Variants in SBNO1 observed in about 807,000 individuals in gnomAD.
SBNO1 encodes the protein protein strawberry notch homolog 1.
Under a neutral mutation model 173.6 loss-of-function variants are expected in SBNO1, and 23 were observed. That is an observed-to-expected ratio of 0.13 (90% CI 0.10 to 0.19). The LOEUF is 0.19. Ranked by LOEUF, SBNO1 falls within the 10% of genes least tolerant of loss-of-function variation. SBNO1 has a pLI of 1.00. For synonymous variants in SBNO1, 632 were observed against 571.5 expected (o/e 1.11, Z -1.51); for missense variants, 1,238 against 1,671.2 (o/e 0.74, Z 4.52).
chr12:123,345,635 C>T, intron 3 of SBNO1, 65 bp from the exon 4 acceptor site: 4 of 1,354,462 alleles, frequency 3.0e-6, no homozygotes, highest in Non-Finnish European at 4.1e-6. Flanking sequence ...CTTATATCCA[C>T]AAACCTGGAA....
intron 1 of SBNO1, chr12:123,364,480 G>T: frequency 1.0e-6 from 1 of 983,924 alleles, no homozygotes; most frequent in Non-Finnish European, 1.2e-6. Context: ...CGGCGCTGAC[G>T]AACAGAGGAA....
intron 3 of SBNO1, 38 bp downstream of exon 3, chr12:123,347,991 C>G: frequency 7.7e-7 from 1 of 1,291,276 alleles, no homozygotes; most frequent in Non-Finnish European, 1.1e-6. Context: ...CACTTCTAAA[C>G]TATTTTAGAA....
intron 1 of SBNO1, chr12:123,364,204 G>A: frequency 1.0e-6 from 1 of 985,668 alleles, no homozygotes; most frequent in Non-Finnish European, 1.2e-6. Flanking sequence ...GATTTAGGAA[G>A]GACGACCGCG....
chr12:123,299,061 G>A (rs559642010), intron 30 of SBNO1, among the ~76,000 whole-genome samples: 3 of 152,104 alleles, frequency 2.0e-5, no homozygotes, highest in Admixed American at 6.5e-5. Context: ...CATTTCTACT[G>A]AAAATACAAA....
chr12:123,341,141 C>T (rs1872517217), intron 4 of SBNO1, 53 bp from the exon 5 acceptor site: 5 of 1,102,496 alleles, frequency 4.5e-6, no homozygotes, highest in South Asian at 4.4e-5. Flanking sequence ...AACTTATTTT[C>T]CCATTATTTA....
Position 123,315,667 on chromosome 12 carries a change from C to T in SBNO1, c.2936-7G>A, listed in dbSNP as rs770067780. 36 of 1,545,492 alleles carry T rather than the reference C, an allele frequency of 2.3e-5. No homozygotes were observed. The highest frequency in any genetic ancestry group is 8.9e-5 in the South Asian group (8 of 89,502). ...TTTGATCTATGAGTACGTCCTGCAA[C>T]GAAATTTTGTTTTAAAGATCATTGA... On this transcript the variant is annotated splice_polypyrimidine_tract_variant and splice_region_variant and intron_variant, in intron 21 of 31. Coordinates refer to ENST00000602398, the MANE Select transcript of SBNO1 (RefSeq NM_001167856.3).
chr12:123,303,735 C>G (rs2048848738), intron 29 of SBNO1, among the ~76,000 whole-genome samples: 1 of 151,822 alleles, frequency 6.6e-6, no homozygotes, highest in Admixed American at 6.6e-5. Context: ...TGGCTGACAC[C>G]TGTTAATTCT....
chr12:123,298,055 A>G lies in SBNO1; in HGVS notation c.3962T>C (p.Val1321Ala). 6.2e-7 allele frequency: 1 copy of G among 1,614,034 alleles called. No homozygotes were observed. Among genetic ancestry groups the G allele is most frequent in the Non-Finnish European group, 8.5e-7 (1 of 1,180,008 alleles). Residue 1321 changes from valine to alanine, a missense_variant, in exon 31 of 32, where the codon GTT (valine) becomes GCT (alanine). Around this residue, in one of 14 missense-constraint regions of SBNO1, gnomAD observed 351 missense variants for 420.3 expected, o/e 0.84. Transcript: ENST00000602398. ...GTTTGTGCCACTGACAGATGCTAGAACACCCTCAACTTTTGTCCAGACACT... is the reference window on the plus strand; with the variant it reads ...GTTTGTGCCACTGACAGATGCTAGAGCACCCTCAACTTTTGTCCAGACACT... The part of the protein sequence containing the change: ...VLSVWTKVEG[V>A]LASVSGTNVK...
intron 20 of SBNO1, among the ~76,000 whole-genome samples, chr12:123,319,151 A>G (rs1869665153): frequency 1.3e-5 from 2 of 151,690 alleles, no homozygotes; most frequent in Admixed American, 6.6e-5. Context: ...TTTAGTAGAG[A>G]TGGGGTTTCA....
intron 29 of SBNO1, 152 bp from the exon 30 acceptor site, chr12:123,303,052 G>A: frequency 1.6e-6 from 1 of 612,768 alleles, no homozygotes; most frequent in Admixed American, 3.1e-5. Context: ...AACGCCATTT[G>A]AAAAGCTCTG....
intron 10 of SBNO1, 33 bp from the exon 11 acceptor site, chr12:123,328,060 T>C (rs747146716): frequency 2.6e-6 from 4 of 1,529,564 alleles, no homozygotes; most frequent in South Asian, 2.4e-5. Flanking sequence ...TGTATCACAT[T>C]AGTATTAAGT....
chr12:123,357,704 G>A (rs1321083457), intron 1 of SBNO1, among the ~76,000 whole-genome samples: 6 of 152,148 alleles, frequency 3.9e-5, no homozygotes, highest in African/African-American at 9.7e-5. Flanking sequence ...ACAGTGAGCC[G>A]AGGTCGTGCC....
chr12:123,323,815 G>A lies in SBNO1; in HGVS notation c.1990C>T (p.Leu664Phe). The change falls in exon 16 of 32, where the codon CTC becomes TTC. Residue 664 changes from leucine to phenylalanine, a missense_variant. Leu to Phe is a conservative substitution (Grantham distance 22). Around this residue, in one of 14 missense-constraint regions of SBNO1, gnomAD observed 182 missense variants for 339.9 expected, o/e 0.54. Transcript: ENST00000602398. ...VSTAKGVLQS[L>F]IEKHFPAPDR... is the part of the protein sequence containing the mutation. ...GGAGCAGGAAAATGTTTTTCAATGA[G>A]TGACTGCAACACACCTCTGTAGGAG... 2 of 1,610,522 alleles carry A rather than the reference G, an allele frequency of 1.2e-6. No homozygotes were observed. The highest frequency in any genetic ancestry group is 1.7e-6 in the Non-Finnish European group (2 of 1,178,860).
Position 123,309,597 on chromosome 12 carries a change from A to G in SBNO1, c.3443-14T>C. On this transcript the variant is annotated splice_polypyrimidine_tract_variant and intron_variant, in intron 26 of 31. Coordinates refer to ENST00000602398, the MANE Select transcript of SBNO1 (RefSeq NM_001167856.3). ...CAGAACCAAGATCTTGAACAAGAAA[A>G]AGAAACATGTAAATGTAAAAAGAAC... The G allele has an allele frequency of 6.2e-7, 1 of 1,609,956 alleles. No homozygotes were observed. The highest frequency in any genetic ancestry group is 8.5e-7 in the Non-Finnish European group (1 of 1,176,590).
intron 6 of SBNO1, among the ~76,000 whole-genome samples, chr12:123,335,141 A>T (rs1001552300): frequency 1.3e-5 from 2 of 152,164 alleles, no homozygotes; most frequent in African/African-American, 4.8e-5. Flanking sequence ...CAGTGAGCTA[A>T]GATTGCGCCA....
In SBNO1 at chr12:123,290,403, A is replaced by C. The variant is rs1386924715; in HGVS notation, c.*5505T>G. On this transcript the variant is annotated 3_prime_UTR_variant, in exon 32 of 32. Transcript: ENST00000602398. ...CTCACGGCAATCCTTGAAAGTTATA[A>C]AGGAACATTTTCTTACAGGTGCAAA... 6.6e-6 allele frequency: 1 copy of C among 152,210 alleles called. No homozygotes were observed. Among genetic ancestry groups the C allele is most frequent in the African/African-American group, 2.4e-5 (1 of 41,452 alleles). The allele number at this position is 152,210 out of a possible 1,614,324, so 9.4% of individuals were successfully genotyped here.
At chr12:123,326,791 T>C (rs562641276) in intron 13 of SBNO1, among the ~76,000 whole-genome samples, 11 of 152,110 alleles carry the variant, frequency 7.2e-5, no homozygotes, top group Non-Finnish European at 1.2e-4. Flanking sequence ...GCCAGGCACA[T>C]TGACATGCGC....
intron 6 of SBNO1, among the ~76,000 whole-genome samples, chr12:123,335,597 G>GT (rs1417788811): frequency 1.3e-5 from 2 of 152,190 alleles, no homozygotes; most frequent in Non-Finnish European, 2.9e-5. Context: ...TGATTTTGCC[G>GT]TTTTAGGCCA....
chr12:123,304,299 A>G (rs2048862649), intron 29 of SBNO1, among the ~76,000 whole-genome samples: 1 of 152,000 alleles, frequency 6.6e-6, no homozygotes, highest in African/African-American at 2.4e-5. Flanking sequence ...CAATAGCGTG[A>G]TCTTGGCTCA....
Sources: gnomAD v4.1 joint callset for allele counts (sites outside exome capture counted in the v4.1 genomes callset) on GRCh38, gnomAD v4.1.1 for gene constraint, gnomAD v4.1.1 regional missense constraint, MANE v1.5 for transcripts, NCBI Gene and HGNC (gene_info 2026-07-23, HGNC 2026-07-21) for gene names.